The following SLC9B2 variants were observed in gnomAD, a reference collection of about 807,000 sequenced individuals.
The protein encoded by SLC9B2 is solute carrier family 9 member B2.
A neutral mutation model predicts 52.2 loss-of-function variants in SLC9B2; 39 were observed. The observed-to-expected ratio is 0.75, with a 90% CI of 0.58 to 0.98. The LOEUF (loss-of-function observed/expected upper bound fraction) is 0.98. Among genes scored for constraint, SLC9B2 ranks in the 50% least tolerant of loss-of-function variants. The pLI, the probability that SLC9B2 is intolerant of heterozygous loss-of-function variation, is 0.00. For synonymous variants in SLC9B2, 214 were observed against 227.0 expected (o/e 0.94, Z 0.51); for missense variants, 626 against 637.5 (o/e 0.98, Z 0.19).
At chr4:103,046,651 A>C (rs796351149) in intron 7 of SLC9B2, among the ~76,000 whole-genome samples, 36 of 110,342 alleles carry the variant, frequency 3.3e-4, no homozygotes, top group East Asian at 8.2e-4. Flanking sequence ...ACCCACTCAT[A>C]TTTTGTGTGA....
chr4:103,036,001 G>C (rs1265283065), intron 9 of SLC9B2, among the ~76,000 whole-genome samples: 2 of 152,026 alleles, frequency 1.3e-5, no homozygotes, highest in African/African-American at 4.8e-5. Context: ...ATACTACAAG[G>C]CTACAGTAAC....
chr4:103,050,701 C>T (rs941779815), intron 4 of SLC9B2, among the ~76,000 whole-genome samples: 6 of 152,140 alleles, frequency 3.9e-5, no homozygotes, highest in African/African-American at 1.4e-4. Flanking sequence ...CTCAGTCAGC[C>T]CTTTGCGTGC....
At chr4:103,042,083 C>T (rs1743693826) in intron 9 of SLC9B2, 1 of 151,924 alleles carries the variant, frequency 6.6e-6, no homozygotes, top group Admixed American at 6.6e-5. Flanking sequence ...TGACAGAATG[C>T]ATTTCTGTTA....
intron 2 of SLC9B2, among the ~76,000 whole-genome samples, chr4:103,066,756 T>TGCTCCAAAATCTGAAAC (rs765952974): frequency 2.4e-3 from 364 of 152,252 alleles, no homozygotes; most frequent in Middle Eastern, 6.8e-3. Flanking sequence ...AAATCTGAAA[T>TGCTCCAAAATCTGAAAC]GCTCCAAAAT....
chr4:103,046,485 T>C (rs1373744278), intron 7 of SLC9B2, among the ~76,000 whole-genome samples: 1 of 152,150 alleles, frequency 6.6e-6, no homozygotes, highest in Non-Finnish European at 1.5e-5. Context: ...TACCTCAATT[T>C]CAGACACTTA....
At chr4:103,073,665 GA>G (rs916883661) in intron 1 of SLC9B2, among the ~76,000 whole-genome samples, 8 of 152,152 alleles carry the variant, frequency 5.3e-5, no homozygotes, top group African/African-American at 1.4e-4. Context: ...ACTCATGAAG[GA>G]AAACACTATA....
chr4:103,066,793 C>T (rs916206342), intron 2 of SLC9B2, among the ~76,000 whole-genome samples: 4 of 151,980 alleles, frequency 2.6e-5, no homozygotes, highest in Non-Finnish European at 5.9e-5. Context: ...ACTGACATGA[C>T]ACACAAGTGA....
rs1742042906 is a variant in SLC9B2, at chr4:103,024,544, A to G, written c.*1826T>C. Among the ~76,000 whole-genome samples, 1 of 152,226 alleles carries G rather than the reference A, an allele frequency of 6.6e-6. No individual in the cohort carries two copies. The highest frequency in any genetic ancestry group is 2.1e-4 in the South Asian group (1 of 4,828). ...TGGATAGGGCTCGAACAGAAGTCTAATGAAGAGAGGAATGGACAGGCTTTA... is the reference window on the plus strand; with the variant it reads ...TGGATAGGGCTCGAACAGAAGTCTAGTGAAGAGAGGAATGGACAGGCTTTA... On this transcript the variant is annotated 3_prime_UTR_variant, in exon 12 of 12. Transcript: ENST00000394785.
At chr4:103,076,828 C>G (rs533425123), upstream of SLC9B2, 15 of 152,470 alleles carry the variant, frequency 9.8e-5, no homozygotes, top group East Asian at 2.1e-3. Context: ...CCGGGCAGCC[C>G]GTTACTTGTT....
At position 103,076,698 on chromosome 4, in the gene SLC9B2, G is replaced by GGGAAAGCTTCCC. The variant is rs1367215561; in HGVS notation, c.-569_-558dup. 6.6e-6 allele frequency: 1 copy of GGGAAAGCTTCCC among 152,240 alleles called. No homozygotes were observed. The highest frequency in any genetic ancestry group is 2.1e-4 in the South Asian group (1 of 4,828). The allele number at this position is 152,240 out of a possible 1,614,324, so 9.4% of individuals were successfully genotyped here. A position where few individuals can be genotyped will look rare whatever the true frequency, so the allele number is the denominator to read the frequency against. On this transcript the variant is annotated 5_prime_UTR_variant, in exon 1 of 12. Transcript: ENST00000394785. ...CTGGGGCCAGGACCAGCGAGCTCCCGGGAAAGCTTCCCGGAAAGCTTACCC... is the reference window on the plus strand; with the variant it reads ...CTGGGGCCAGGACCAGCGAGCTCCCGGGAAAGCTTCCCGGAAAGCTTCCCGGAAAGCTTACCC...
rs188294284 is a variant in SLC9B2 at position 103,023,264 on chromosome 4, G to T, written c.*3106C>A. Among the ~76,000 whole-genome samples the T allele has an allele frequency of 3.3e-5, 5 of 152,242 alleles. No homozygotes were observed. Among genetic ancestry groups the T allele is most frequent in the African/African-American group, 1.2e-4 (5 of 41,544 alleles). The stretch of plus-strand genomic sequence containing the variant: ...AGGATTCAAGGATAATTAAGACAAG[G>T]TTCCTACCCATAGGGAGCTGATTTA... On this transcript the variant is annotated 3_prime_UTR_variant, in exon 12 of 12. Coordinates refer to ENST00000394785, the MANE Select transcript of SLC9B2 (RefSeq NM_178833.7).
At position 103,048,877 on chromosome 4, in the gene SLC9B2, A is replaced by G; in HGVS notation, c.713+16T>C. On this transcript the variant is annotated intron_variant, in intron 6 of 11. Transcript: ENST00000394785. ...TGTCCCTACATATTTTCATATGACA[A>G]AGAAACAATCATTACCCCAGTATAA... 1 of 1,611,902 alleles carries G rather than the reference A, an allele frequency of 6.2e-7. No homozygotes were observed. The highest frequency in any genetic ancestry group is 8.5e-7 in the Non-Finnish European group (1 of 1,179,118).
At chr4:103,030,771 C>T (rs1742626700) in intron 10 of SLC9B2, among the ~76,000 whole-genome samples, 2 of 151,998 alleles carry the variant, frequency 1.3e-5, no homozygotes, top group East Asian at 1.9e-4. Flanking sequence ...AGTATATTCA[C>T]ACTATTATGC....
chr4:103,019,576 G>A, downstream of SLC9B2: 2 of 985,296 alleles, frequency 2.0e-6, no homozygotes, highest in Non-Finnish European at 2.4e-6. Flanking sequence ...TGGAAGGGCG[G>A]CGTTAAGAAA....
chr4:103,066,920 A>T (rs1021527530), intron 2 of SLC9B2, among the ~76,000 whole-genome samples: 1 of 152,082 alleles, frequency 6.6e-6, no homozygotes, highest in Non-Finnish European at 1.5e-5. Context: ...TAAATATGAA[A>T]CATAAATAAA....
chr4:103,037,345 A>T (rs1195324005), intron 9 of SLC9B2, among the ~76,000 whole-genome samples: 1 of 152,224 alleles, frequency 6.6e-6, no homozygotes, highest in Non-Finnish European at 1.5e-5. Flanking sequence ...CAATTGGCCT[A>T]TGGTAAAATT....
intron 1 of SLC9B2, 99 bp from the exon 2 acceptor site, chr4:103,067,691 G>T (rs1332518300): frequency 1.5e-6 from 1 of 674,550 alleles, no homozygotes; most frequent in Non-Finnish European, 2.6e-6. Context: ...AATTCCGAAT[G>T]GCTAAACTAT....
chr4:103,034,874 T>A (rs7679147), intron 9 of SLC9B2, among the ~76,000 whole-genome samples: 7,148 of 152,154 alleles, frequency 0.047, 577 homozygotes, highest in African/African-American at 0.16. Context: ...TAATTGTACA[T>A]CTTTTGATAC....
intron 4 of SLC9B2, 71 bp from the exon 5 acceptor site, chr4:103,050,453 A>G: frequency 2.2e-6 from 3 of 1,387,284 alleles, no homozygotes. Context: ...CTTTAATTTT[A>G]TACAGACTAC....
Sources: allele counts gnomAD v4.1 joint callset (sites outside exome capture counted in the v4.1 genomes callset), GRCh38; gene constraint gnomAD v4.1.1; transcripts MANE v1.5; gene names NCBI Gene and HGNC (gene_info 2026-07-23, HGNC 2026-07-21).